FBXL2: variants seen among roughly 807,000 people sequenced by gnomAD.
FBXL2 encodes the protein F-box and leucine rich repeat protein 2.
A neutral mutation model predicts 69.2 loss-of-function variants in FBXL2; 38 were observed. The ratio of observed to expected loss-of-function variants is 0.55; its 90% CI spans 0.42 to 0.72. The LOEUF (loss-of-function observed/expected upper bound fraction) is 0.72. Ranked by LOEUF, FBXL2 falls within the 30% of genes least tolerant of loss-of-function variation. The pLI is 0.00. For missense variants in FBXL2, 354 were observed against 520.3 expected, an observed-to-expected ratio of 0.68 and a Z score of 3.11; for synonymous variants, 192 against 201.3, an observed-to-expected ratio of 0.95 and a Z score of 0.39.
intron 2 of FBXL2, among the ~76,000 whole-genome samples, chr3:33,309,999 A>G (rs1211559000): frequency 6.6e-6 from 1 of 152,072 alleles, no homozygotes; most frequent in Non-Finnish European, 1.5e-5. Flanking sequence ...TTTCTCTACA[A>G]AAAGGAAAAA....
intron 2 of FBXL2, among the ~76,000 whole-genome samples, chr3:33,333,654 G>A (rs1207487295): frequency 6.6e-6 from 1 of 152,266 alleles, no homozygotes; most frequent in East Asian, 1.9e-4. Flanking sequence ...ATACCTAGGG[G>A]TGGGTGCCTG....
At chr3:33,351,250 G>C (rs555411487) in intron 2 of FBXL2, among the ~76,000 whole-genome samples, 6 of 152,116 alleles carry the variant, frequency 3.9e-5, no homozygotes, top group African/African-American at 1.4e-4. Flanking sequence ...GGGTAACAGA[G>C]CAAGATTCTG....
rs370111503 is a variant in FBXL2 at position 33,385,981 on chromosome 3, G to C, written c.*373G>C. 1 of 192,630 alleles carries C rather than the reference G, an allele frequency of 5.2e-6. No individual in the cohort carries two copies. Among genetic ancestry groups the C allele is most frequent in the East Asian group, 1.5e-4 (1 of 6,878 alleles). 11.9% of individuals were successfully genotyped at this position (192,630 alleles called of 1,614,324 possible). Reference sequence around the variant, plus strand: ...AGCACAAACTGAGCAGAAAAAATAAGCTGTTGATTTTCTACCTGATACTTA... The same window carrying C: ...AGCACAAACTGAGCAGAAAAAATAACCTGTTGATTTTCTACCTGATACTTA... On this transcript the variant is annotated 3_prime_UTR_variant, in exon 15 of 15. Coordinates refer to ENST00000484457, the MANE Select transcript of FBXL2 (RefSeq NM_012157.5).
chr3:33,373,492 TTTC>T (rs1404210896), intron 7 of FBXL2, 83 bp from the exon 8 acceptor site: 3 of 1,594,964 alleles, frequency 1.9e-6, no homozygotes, highest in Non-Finnish European at 2.6e-6. Flanking sequence ...CCCTTCGGAA[TTTC>T]TTGTGATGTA....
intron 5 of FBXL2, among the ~76,000 whole-genome samples, chr3:33,366,747 T>G (rs954676547): frequency 6.6e-6 from 1 of 152,006 alleles, no homozygotes; most frequent in Non-Finnish European, 1.5e-5. Flanking sequence ...GGTGGATCAC[T>G]AGGTCAGGAG....
rs182807158 is a variant in FBXL2 at position 33,375,288 on chromosome 3, C to T, written c.658C>T (p.Arg220Cys). The T allele has an allele frequency of 3.3e-5, 53 of 1,613,452 alleles. No individual in the cohort carries two copies. In the Admixed American group the frequency reaches 5.8e-4, roughly 18 times the overall value. ...LVSLNLQSCSRITDEGVVQIC... is the reference protein window; with the variant it reads ...LVSLNLQSCSCITDEGVVQIC... ...TTCTTTCTGTGCTGCTTTTCCTCAG[C>T]GTATCACGGATGAAGGTGTGGTGCA... The change falls in exon 10 of 15, where the codon CGT (arginine) becomes TGT (cysteine). Residue 220 changes from arginine to cysteine, a missense_variant and splice_region_variant. Physicochemically the swap from Arg to Cys is radical, Grantham distance 180 (BLOSUM62 -3). Transcript: ENST00000484457.
chr3:33,322,234 T>G (rs2038295900), intron 2 of FBXL2, among the ~76,000 whole-genome samples: 1 of 151,902 alleles, frequency 6.6e-6, no homozygotes, highest in South Asian at 2.1e-4. Context: ...CCTGCCACCA[T>G]GCCTGGCTAA....
At chr3:33,304,744 C>G (rs981738230) in intron 2 of FBXL2, among the ~76,000 whole-genome samples, 2 of 151,910 alleles carry the variant, frequency 1.3e-5, no homozygotes, top group Admixed American at 6.6e-5. Flanking sequence ...GAGGTCTTAC[C>G]AGTTTATGTT....
chr3:33,400,271 A>G, intron 12 of FBXL2: 1 of 1,600,194 alleles, frequency 6.2e-7, no homozygotes. Context: ...TCGTAGCTGA[A>G]GGCTGAATTT....
At chr3:33,416,856 A>T in the FBXL2 span, 1 of 1,586,890 alleles carries the variant, frequency 6.3e-7, no homozygotes, top group Non-Finnish European at 8.6e-7. Flanking sequence ...AATTGTGTAT[A>T]AAAAACAATC....
intron 2 of FBXL2, among the ~76,000 whole-genome samples, chr3:33,325,266 A>G (rs908983043): frequency 4.6e-5 from 7 of 152,160 alleles, no homozygotes. Flanking sequence ...CTCTCTTCCT[A>G]TTTGAATACC....
chr3:33,307,249 G>A (rs568453969), intron 2 of FBXL2, among the ~76,000 whole-genome samples: 2 of 152,268 alleles, frequency 1.3e-5, no homozygotes, highest in African/African-American at 4.8e-5. Context: ...TATCATATCT[G>A]TGGCATTCCT....
At chr3:33,322,696 C>T (rs775108168) in intron 2 of FBXL2, among the ~76,000 whole-genome samples, 2 of 151,806 alleles carry the variant, frequency 1.3e-5, no homozygotes, top group African/African-American at 2.4e-5. Flanking sequence ...TTAGTGGAGA[C>T]GTAGAGAAAG....
chr3:33,289,769 AAG>A (rs138872276), intron 1 of FBXL2: 87,184 of 983,704 alleles, frequency 0.089, 4,017 homozygotes, highest in African/African-American at 0.11. Flanking sequence ...GGGCAAGGGA[AAG>A]AGAGCTAAGA....
chr3:33,379,806 A>G (rs530745804), intron 13 of FBXL2, among the ~76,000 whole-genome samples: 37 of 152,284 alleles, frequency 2.4e-4, no homozygotes, highest in Admixed American at 5.9e-4. Context: ...TTATAATACC[A>G]TGGCCAAGCA....
At chr3:33,324,819 GT>G (rs1240769609) in intron 2 of FBXL2, among the ~76,000 whole-genome samples, 6 of 152,104 alleles carry the variant, frequency 3.9e-5, no homozygotes, top group Admixed American at 2.0e-4. Flanking sequence ...ATTAAAAGCA[GT>G]TTTTTCTAAT....
At chr3:33,391,795 G>C (rs2043774770), downstream of FBXL2, 1 of 152,226 alleles carries the variant, frequency 6.6e-6, no homozygotes, top group South Asian at 2.1e-4. Context: ...GAAAGTGAAA[G>C]AAAAATCTAG....
intron 1 of FBXL2, among the ~76,000 whole-genome samples, chr3:33,284,986 G>A (rs1032991030): frequency 2.6e-5 from 4 of 152,030 alleles, no homozygotes; most frequent in Non-Finnish European, 5.9e-5. Context: ...GTTGGGTCTT[G>A]ACTATCCAAT....
intron 5 of FBXL2, among the ~76,000 whole-genome samples, chr3:33,366,736 G>A (rs2041974112): frequency 6.6e-6 from 1 of 152,046 alleles, no homozygotes; most frequent in African/African-American, 2.4e-5. Flanking sequence ...AGACTGAGGC[G>A]GGTGGATCAC....
Sources: gnomAD v4.1 joint callset for allele counts (sites outside exome capture counted in the v4.1 genomes callset) on GRCh38, gnomAD v4.1.1 for gene constraint, MANE v1.5 for transcripts, NCBI Gene and HGNC (gene_info 2026-07-23, HGNC 2026-07-21) for gene names.